Variants in IGF1R observed in about 807,000 individuals in gnomAD.
IGF1R encodes insulin like growth factor 1 receptor.
Under a neutral mutation model 144.6 loss-of-function variants are expected in IGF1R, and 44 were observed. The observed-to-expected ratio is 0.30, with a 90% CI of 0.24 to 0.39. IGF1R has a LOEUF of 0.39. Among genes scored for constraint, IGF1R ranks in the 10% least tolerant of loss-of-function variants. The pLI, the probability that IGF1R is intolerant of heterozygous loss-of-function variation, is 1.00. For missense variants in IGF1R, 1,355 were observed against 1,833.7 expected, an observed-to-expected ratio of 0.74 and a Z score of 4.77; for synonymous variants, 795 against 722.8, an observed-to-expected ratio of 1.10 and a Z score of -1.60.
At chr15:98,756,159 G>T (rs2055150555) in intron 2 of IGF1R, among the ~76,000 whole-genome samples, 1 of 151,292 alleles carries the variant, frequency 6.6e-6, no homozygotes, top group Non-Finnish European at 1.5e-5. Flanking sequence ...ATCAGGTATT[G>T]ATATTAGGAT....
intron 2 of IGF1R, among the ~76,000 whole-genome samples, chr15:98,824,774 C>T: frequency 6.6e-6 from 1 of 152,188 alleles, no homozygotes; most frequent in East Asian, 1.9e-4. Context: ...TTGTAGTCTG[C>T]AGTCACTCTC....
chr15:98,924,530 G>A lies in IGF1R; in HGVS notation c.2628G>A (p.Gln876=). 1 of 1,614,194 alleles carries A rather than the reference G, an allele frequency of 6.2e-7. No homozygotes were observed. The highest frequency in any genetic ancestry group is 8.5e-7 in the Non-Finnish European group (1 of 1,180,018). Reference sequence around the variant, plus strand: ...TGTATGTTTTATTTCCCCAGGATCAGCGAGAATGTGTGTCCAGACAGGAAT... The same window carrying A: ...TGTATGTTTTATTTCCCCAGGATCAACGAGAATGTGTGTCCAGACAGGAAT... The part of the protein sequence containing the change: ...EIKYGSQVED[Q]RECVSRQEYR... The change falls in exon 13 of 21, where the codon CAG becomes CAA. Residue 876 remains glutamine (Q), a synonymous_variant. Coordinates refer to ENST00000650285, the MANE Select transcript of IGF1R (RefSeq NM_000875.5).
intron 10 of IGF1R, among the ~76,000 whole-genome samples, chr15:98,918,769 C>T (rs2015360012): frequency 6.6e-6 from 1 of 152,170 alleles, no homozygotes; most frequent in Non-Finnish European, 1.5e-5. Flanking sequence ...ATCCCAGCTA[C>T]TTGGGAAGCT....
Position 98,922,174 on chromosome 15 carries a change from T to C in IGF1R, c.2228T>C (p.Met743Thr). 6.2e-7 allele frequency: 1 copy of C among 1,614,176 alleles called. No homozygotes were observed. Among genetic ancestry groups the C allele is most frequent in the Non-Finnish European group, 8.5e-7 (1 of 1,180,034 alleles). ...CCTGAAAGGAAGCGGAGAGATGTCA[T>C]GCAAGTGGCCAACACCACCATGTCC... ...PRPERKRRDV[M>T]QVANTTMSSR... Residue 743 changes from methionine to threonine, a missense_variant, in exon 11 of 21, where the codon ATG (methionine) becomes ACG (threonine). Met to Thr is a moderately conservative substitution (Grantham distance 81). Transcript: ENST00000650285.
rs1362074126 is a variant in IGF1R at position 98,702,032 on chromosome 15, T to G, written c.95-5530T>G. Reference sequence around the variant, plus strand: ...CACTCTGGGCTCATGGGAGTCACGCTGTTTTTTTTTTTTTTTTTTTTTCCT... The same window carrying G: ...CACTCTGGGCTCATGGGAGTCACGCGGTTTTTTTTTTTTTTTTTTTTTCCT... On this transcript the variant is annotated intron_variant, in intron 1 of 20. Transcript: ENST00000650285. Among the ~76,000 whole-genome samples, 6 of 78,818 alleles carry G rather than the reference T, an allele frequency of 7.6e-5. No homozygotes were observed. In the East Asian group the frequency reaches 2.1e-3, roughly 28 times the overall value. The allele number at this position is 78,818 out of a possible 152,430, so 51.7% of individuals were successfully genotyped here. A position where few individuals can be genotyped will look rare whatever the true frequency, so the allele number is the denominator to read the frequency against.
At chr15:98,698,757 G>T (rs767326375) in intron 1 of IGF1R, among the ~76,000 whole-genome samples, 1 of 152,232 alleles carries the variant, frequency 6.6e-6, no homozygotes, top group Non-Finnish European at 1.5e-5. Flanking sequence ...AAAGTCCCCA[G>T]ATCAGATAGA....
intron 2 of IGF1R, among the ~76,000 whole-genome samples, chr15:98,755,443 A>G (rs2055124810): frequency 6.6e-6 from 1 of 152,056 alleles, no homozygotes; most frequent in Non-Finnish European, 1.5e-5. Context: ...CTGGTACTAT[A>G]GAAAAGTGTA....
intron 2 of IGF1R, among the ~76,000 whole-genome samples, chr15:98,879,881 AC>A (rs2141626951): frequency 6.6e-6 from 1 of 152,358 alleles, no homozygotes; most frequent in Non-Finnish European, 1.5e-5. Context: ...GTCACAAAAG[AC>A]ACTACCTATT....
intron 2 of IGF1R, among the ~76,000 whole-genome samples, chr15:98,877,789 C>G (rs1333463213): frequency 6.6e-6 from 1 of 152,136 alleles, no homozygotes; most frequent in Non-Finnish European, 1.5e-5. Context: ...CTAGGTACCT[C>G]GTACATTTAT....
intron 2 of IGF1R, among the ~76,000 whole-genome samples, chr15:98,857,573 C>A (rs1297616207): frequency 6.6e-6 from 1 of 152,236 alleles, no homozygotes; most frequent in Non-Finnish European, 1.5e-5. Context: ...GTTCTTCCAT[C>A]TAGTCTAGCA....
intron 2 of IGF1R, among the ~76,000 whole-genome samples, chr15:98,776,174 T>A (rs1027927538): frequency 6.6e-6 from 1 of 151,176 alleles, no homozygotes; most frequent in African/African-American, 2.4e-5. Context: ...TTAATTATTT[T>A]TTATTATTTA....
At chr15:98,864,116 A>T (rs1433978145) in intron 2 of IGF1R, among the ~76,000 whole-genome samples, 1 of 152,048 alleles carries the variant, frequency 6.6e-6, no homozygotes, top group Non-Finnish European at 1.5e-5. Context: ...TTAGCCTGTC[A>T]TGGTAGCATG....
At position 98,707,798 on chromosome 15, in the gene IGF1R, C is replaced by G. The variant is rs1285537503; in HGVS notation, c.331C>G (p.Leu111Val). ...PNLTVIRGWK[L>V]FYNYALVIFE... ...CCTCACGGTCATCCGCGGCTGGAAA[C>G]TCTTCTACAACTACGCCCTGGTCAT... Residue 111 changes from leucine to valine, a missense_variant, in exon 2 of 21, where the codon CTC (leucine) becomes GTC (valine). This residue lies in a region of IGF1R where 75 missense variants were observed against 160.0 expected (regional missense o/e 0.47). Coordinates refer to ENST00000650285, the MANE Select transcript of IGF1R (RefSeq NM_000875.5). This position sits in a 1 kb window ranked among gnomAD's most constrained non-coding sequence, Gnocchi z 6.7. 1 of 1,614,208 alleles carries G rather than the reference C, an allele frequency of 6.2e-7. No individual in the cohort carries two copies.
chr15:98,890,669 C>T (rs1212725563), intron 2 of IGF1R: 1 of 155,918 alleles, frequency 6.4e-6, no homozygotes, highest in African/African-American at 2.4e-5. Context: ...GGACTCCTTT[C>T]CTGTAACACA....
chr15:98,668,725 T>G (rs1317486157), intron 1 of IGF1R, among the ~76,000 whole-genome samples: 1 of 152,156 alleles, frequency 6.6e-6, no homozygotes, highest in Non-Finnish European at 1.5e-5. Context: ...GTAAGTACAT[T>G]CCTCCTCTCT....
At chr15:98,839,540 G>T (rs977393411) in intron 2 of IGF1R, among the ~76,000 whole-genome samples, 5 of 152,184 alleles carry the variant, frequency 3.3e-5, no homozygotes, top group African/African-American at 4.8e-5. Context: ...ATTAGTTTTG[G>T]GTAGAGGAAT....
intron 2 of IGF1R, among the ~76,000 whole-genome samples, chr15:98,764,951 T>C (rs1310063674): frequency 6.6e-6 from 1 of 152,234 alleles, no homozygotes; most frequent in Non-Finnish European, 1.5e-5. Context: ...CTGTACCCCT[T>C]AAGCAGTTAA....
At chr15:98,898,256 AC>A (rs1360638865) in intron 4 of IGF1R, among the ~76,000 whole-genome samples, 1 of 152,204 alleles carries the variant, frequency 6.6e-6, no homozygotes, top group East Asian at 1.9e-4. Flanking sequence ...GAGTGCCTAA[AC>A]TTTTTTATCT....
intron 2 of IGF1R, among the ~76,000 whole-genome samples, chr15:98,864,371 C>A (rs764528074): frequency 6.6e-5 from 10 of 152,190 alleles, no homozygotes; most frequent in Non-Finnish European, 1.3e-4. Flanking sequence ...TCAGAATTTT[C>A]CATCACTGAA....
Sources: allele counts gnomAD v4.1 joint callset (sites outside exome capture counted in the v4.1 genomes callset), GRCh38; gene constraint gnomAD v4.1.1; regional missense constraint gnomAD v4.1.1; non-coding constraint Gnocchi (gnomAD v3.1); transcripts MANE v1.5; gene names NCBI Gene and HGNC (gene_info 2026-07-23, HGNC 2026-07-21).